KPNA6: variants seen among roughly 807,000 people sequenced by gnomAD.
KPNA6 encodes importin subunit alpha-7.
Under a neutral mutation model 72.0 loss-of-function variants are expected in KPNA6, and 9 were observed. That is an observed-to-expected ratio of 0.13 (90% confidence interval 0.08 to 0.22). KPNA6 has a LOEUF of 0.22. KPNA6 is among the 10% of genes least tolerant of loss of function. The probability of loss-of-function intolerance (pLI) is 1.00; values close to 1 mark genes in which losing one functional copy is unlikely to be tolerated. For synonymous variants in KPNA6, 219 were observed against 242.1 expected, an observed-to-expected ratio of 0.90 and a Z score of 0.89; for missense variants, 374 against 655.7, an observed-to-expected ratio of 0.57 and a Z score of 4.69.
At position 32,118,197 on chromosome 1, in the gene KPNA6, T is replaced by A. The variant is rs58632779; in HGVS notation, c.4+10063T>A. Among the ~76,000 whole-genome samples the A allele has an allele frequency of 2.6e-3, 394 of 152,224 alleles. 1 individual carries two copies. Among genetic ancestry groups the A allele is most frequent in the African/African-American group, 9.3e-3 (385 of 41,550 alleles). ...CCTCAGCCTCCCAAAGTGCTGAGAT[T>A]ATAGACGTGAGCCACCGTGCCCAGC... On this transcript the variant is annotated intron_variant, in intron 1 of 13. Transcript: ENST00000373625.
intron 10 of KPNA6, among the ~76,000 whole-genome samples, chr1:32,165,165 T>G (rs906800511): frequency 2.6e-5 from 4 of 152,144 alleles, no homozygotes; most frequent in Non-Finnish European, 4.4e-5. Context: ...CCTTGGCTTC[T>G]CAAAGTGCTG....
chr1:32,134,305 G>A (rs1269442450), intron 1 of KPNA6, among the ~76,000 whole-genome samples: 2 of 149,962 alleles, frequency 1.3e-5, no homozygotes, highest in African/African-American at 4.9e-5. Flanking sequence ...CTTCTAAAAT[G>A]AGGGAGAAAT....
chr1:32,157,663 C>CA (rs1447752180), intron 4 of KPNA6, among the ~76,000 whole-genome samples: 1 of 152,170 alleles, frequency 6.6e-6, no homozygotes, highest in Admixed American at 6.5e-5. Flanking sequence ...CTCCCTTACT[C>CA]CTATGATTAA....
rs1380341202 is a variant in KPNA6 at position 32,173,274 on chromosome 1, AGAGTT to A, written c.*2381_*2385del. On this transcript the variant is annotated 3_prime_UTR_variant, in exon 14 of 14. Transcript: ENST00000373625. ...GGATCTACTTTGTACATCTCAAGTA[AGAGTT>A]AAGTCCCTGATACAGGGACCAGTTT... The A allele has an allele frequency of 1.3e-5, 5 of 394,326 alleles. No homozygotes were observed. Among genetic ancestry groups the A allele is most frequent in the Non-Finnish European group, 2.2e-5 (5 of 223,982 alleles). The allele number at this position is 394,326 out of a possible 1,614,324, so 24.4% of individuals were successfully genotyped here. A position where few individuals can be genotyped will look rare whatever the true frequency, so the allele number is the denominator to read the frequency against.
At chr1:32,138,726 A>G (rs1213188094) in intron 1 of KPNA6, among the ~76,000 whole-genome samples, 1 of 152,062 alleles carries the variant, frequency 6.6e-6, no homozygotes, top group Admixed American at 6.6e-5. Flanking sequence ...GGCTAAGAGA[A>G]AAATTGGGAG....
At chr1:32,145,059 T>C (rs1292163074) in intron 1 of KPNA6, among the ~76,000 whole-genome samples, 1 of 151,808 alleles carries the variant, frequency 6.6e-6, no homozygotes, top group Admixed American at 6.6e-5. Context: ...TTCATGCCAT[T>C]CTTCTGCCTC....
chr1:32,130,383 C>T (rs573272969), intron 1 of KPNA6, among the ~76,000 whole-genome samples: 3 of 152,092 alleles, frequency 2.0e-5, no homozygotes, highest in Admixed American at 6.6e-5. Flanking sequence ...TACAGAGGTC[C>T]TCTCCCAGCA....
At chr1:32,147,644 TCTTTTC>T (rs1372667829) in intron 1 of KPNA6, among the ~76,000 whole-genome samples, 1 of 147,462 alleles carries the variant, frequency 6.8e-6, no homozygotes, top group Admixed American at 6.9e-5. Context: ...TTTCGTGATT[TCTTTTC>T]TTTTTTTTTT....
rs1642213645 is a variant in KPNA6 at position 32,160,276 on chromosome 1, G to A, written c.559-339G>A. ...GATTGTGCCACTGCACTCCAGCCTG[G>A]GTGACAGAGCGAGACTCCGTCTCAA... On this transcript the variant is annotated intron_variant, in intron 6 of 13. Coordinates refer to ENST00000373625, the MANE Select transcript of KPNA6 (RefSeq NM_012316.5). Among the ~76,000 whole-genome samples the A allele has an allele frequency of 2.7e-5, 4 of 150,518 alleles. No homozygotes were observed. In the South Asian group the frequency reaches 6.4e-4, roughly 24 times the overall value.
chr1:32,134,724 A>G (rs1641702843), intron 1 of KPNA6, among the ~76,000 whole-genome samples: 1 of 152,066 alleles, frequency 6.6e-6, no homozygotes, highest in Admixed American at 6.6e-5. Context: ...GCTAAGTGAA[A>G]GAAGCCAGTC....
chr1:32,162,663 C>A, intron 9 of KPNA6, 139 bp downstream of exon 9: 1 of 814,512 alleles, frequency 1.2e-6, no homozygotes, highest in Non-Finnish European at 1.9e-6. Context: ...GGTGAAACCC[C>A]GTCTCTACTA....
chr1:32,117,690 G>A (rs1641353074), intron 1 of KPNA6, among the ~76,000 whole-genome samples: 1 of 152,000 alleles, frequency 6.6e-6, no homozygotes, highest in African/African-American at 2.4e-5. Flanking sequence ...AATGAGATAT[G>A]CCTGTACTTT....
At chr1:32,152,239 G>T (rs1050735878) in intron 1 of KPNA6, among the ~76,000 whole-genome samples, 6 of 152,296 alleles carry the variant, frequency 3.9e-5, no homozygotes, top group African/African-American at 1.4e-4. Flanking sequence ...TAAGGCAAGA[G>T]AATTGTTTTA....
At chr1:32,154,340 A>G (rs1048227460) in intron 1 of KPNA6, among the ~76,000 whole-genome samples, 3 of 151,606 alleles carry the variant, frequency 2.0e-5, no homozygotes, top group African/African-American at 7.3e-5. Context: ...ATCTGTCTCT[A>G]GGGCCCACAC....
At chr1:32,112,703 G>GGCTGGTCTTGAACTCCTGACC in intron 1 of KPNA6, among the ~76,000 whole-genome samples, 1 of 152,270 alleles carries the variant, frequency 6.6e-6, no homozygotes, top group Admixed American at 6.5e-5. Flanking sequence ...ATGTTGGACA[G>GGCTGGTCTTGAACTCCTGACC]GCTGGTCTTG....
At chr1:32,155,757 C>T (rs994932937) in intron 2 of KPNA6, among the ~76,000 whole-genome samples, 6 of 147,376 alleles carry the variant, frequency 4.1e-5, no homozygotes, top group Admixed American at 2.7e-4. Context: ...GACAAGGTCT[C>T]ACTCTGTCAC....
chr1:32,114,857 TTGAGACAGTGTCTCACTC>T (rs1404704725), intron 1 of KPNA6, among the ~76,000 whole-genome samples: 4 of 152,222 alleles, frequency 2.6e-5, no homozygotes, highest in Non-Finnish European at 4.4e-5. Context: ...TTGCACTTTT[TTGAGACAGTGTCTCACTC>T]TGTCACCCAG....
intron 1 of KPNA6, among the ~76,000 whole-genome samples, chr1:32,138,217 T>C (rs1375349597): frequency 7.9e-5 from 12 of 151,608 alleles, no homozygotes; most frequent in Admixed American, 7.9e-4. Flanking sequence ...CAAGATGTTT[T>C]GACAATAGGG....
chr1:32,148,697 C>T (rs1641975250), intron 1 of KPNA6, among the ~76,000 whole-genome samples: 1 of 150,032 alleles, frequency 6.7e-6, no homozygotes, highest in African/African-American at 2.5e-5. Flanking sequence ...GCTGGGATTA[C>T]AGGCGCACGC....
Sources: allele counts gnomAD v4.1 joint callset (sites outside exome capture counted in the v4.1 genomes callset), GRCh38; gene constraint gnomAD v4.1.1; transcripts MANE v1.5; gene names NCBI Gene and HGNC (gene_info 2026-07-23, HGNC 2026-07-21).